Variants in CMTM6 observed in about 807,000 individuals in gnomAD.
CMTM6 encodes CKLF-like MARVEL transmembrane domain-containing protein 6.
Under a neutral mutation model 13.6 loss-of-function variants are expected in CMTM6, and 5 were observed. The ratio of observed to expected loss-of-function variants is 0.37; its 90% CI spans 0.19 to 0.77. CMTM6 has a LOEUF of 0.77. CMTM6 is among the 30% of genes least tolerant of loss of function. The pLI is 0.50. For missense variants in CMTM6, 196 were observed against 218.6 expected (o/e 0.90, Z 0.65); for synonymous variants, 99 against 84.5 (o/e 1.17, Z -0.94).
chr3:32,490,793 T>C (rs1697243776), intron 2 of CMTM6, among the ~76,000 whole-genome samples: 1 of 152,278 alleles, frequency 6.6e-6, no homozygotes, highest in Non-Finnish European at 1.5e-5. Flanking sequence ...TGTTAAGAAA[T>C]GACAAAATGA....
chr3:32,484,661 C>T (rs367841), intron 3 of CMTM6, among the ~76,000 whole-genome samples: 58,592 of 151,950 alleles, frequency 0.39, 12,031 homozygotes, highest in African/African-American at 0.53. Flanking sequence ...CAACTGTTCT[C>T]TTCTAAAATA....
chr3:32,502,561 G>C, intron 1 of CMTM6, 47 bp downstream of exon 1: 1 of 1,559,772 alleles, frequency 6.4e-7, no homozygotes, highest in Middle Eastern at 1.8e-4. Flanking sequence ...GCCCGGGCCA[G>C]ACCCCGCTCC....
chr3:32,496,997 G>T (rs937694361), intron 1 of CMTM6, among the ~76,000 whole-genome samples: 2 of 152,142 alleles, frequency 1.3e-5, no homozygotes, highest in East Asian at 3.9e-4. Flanking sequence ...AGAGGATTGG[G>T]TGGGGCCTAA....
rs73068767 is a variant in CMTM6 at position 32,483,534 on chromosome 3, C to T, written c.*426G>A. The T allele has an allele frequency of 0.033, 5,009 of 152,334 alleles. 111 individuals are homozygous for T. Among genetic ancestry groups the T allele is most frequent in the Middle Eastern group, 0.061 (18 of 294 alleles). 9.4% of individuals were successfully genotyped at this position (152,334 alleles called of 1,614,324 possible). A position where few individuals can be genotyped will look rare whatever the true frequency, so the allele number is the denominator to read the frequency against. On this transcript the variant is annotated 3_prime_UTR_variant, in exon 4 of 4. Coordinates refer to ENST00000205636, the MANE Select transcript of CMTM6 (RefSeq NM_017801.3). ...AACATAATCTAAGCATCAAAACAAACAGCTAAGCAAATTAATTTAAAAATA... is the reference window on the plus strand; with the variant it reads ...AACATAATCTAAGCATCAAAACAAATAGCTAAGCAAATTAATTTAAAAATA...
intron 1 of CMTM6, among the ~76,000 whole-genome samples, chr3:32,495,063 T>TA (rs1225751027): frequency 6.6e-6 from 1 of 152,086 alleles, no homozygotes; most frequent in African/African-American, 2.4e-5. Flanking sequence ...AATAAAAAGT[T>TA]AAAAAATAGT....
At chr3:32,494,685 G>A (rs1353627334) in intron 1 of CMTM6, among the ~76,000 whole-genome samples, 2 of 151,858 alleles carry the variant, frequency 1.3e-5, no homozygotes, top group Non-Finnish European at 2.9e-5. Flanking sequence ...ATAAAAAGGA[G>A]CAAACTTGAT....
chr3:32,501,276 G>A (rs1489479251), intron 1 of CMTM6, among the ~76,000 whole-genome samples: 1 of 151,456 alleles, frequency 6.6e-6, no homozygotes, highest in Non-Finnish European at 1.5e-5. Flanking sequence ...TAGCTTTACT[G>A]CAGAGAAATA....
chr3:32,482,575 G>A lies in CMTM6; in HGVS notation c.*1385C>T, dbSNP rs964495390. 1 of 152,154 alleles carries A rather than the reference G, an allele frequency of 6.6e-6. No individual in the cohort carries two copies. The highest frequency in any genetic ancestry group is 6.5e-5 in the Admixed American group (1 of 15,272). 9.4% of individuals were successfully genotyped at this position (152,154 alleles called of 1,614,324 possible). The stretch of plus-strand genomic sequence containing the variant: ...AGTCTGTGAATCACCTGGACAGAAA[G>A]GTCATATCCCAAGTGCCCTGCCTAT... On this transcript the variant is annotated 3_prime_UTR_variant, in exon 4 of 4. Transcript: ENST00000205636.
chr3:32,493,769 A>G (rs571234475), intron 1 of CMTM6, among the ~76,000 whole-genome samples: 5 of 152,342 alleles, frequency 3.3e-5, no homozygotes, highest in African/African-American at 1.2e-4. Context: ...CAAACACACA[A>G]GTAATCAAGA....
intron 2 of CMTM6, 100 bp from the exon 3 acceptor site, chr3:32,488,136 GT>G (rs1697221087): frequency 2.4e-6 from 2 of 825,140 alleles, no homozygotes; most frequent in South Asian, 3.6e-5. Flanking sequence ...CTACTTACTT[GT>G]TTTTCTTGAT....
At chr3:32,490,574 C>T (rs183099294) in intron 2 of CMTM6, among the ~76,000 whole-genome samples, 74 of 152,028 alleles carry the variant, frequency 4.9e-4, no homozygotes, top group African/African-American at 1.6e-3. Flanking sequence ...ATTTTTAAAC[C>T]AGTATTTACT....
intron 1 of CMTM6, among the ~76,000 whole-genome samples, chr3:32,501,330 GAGAAGGAAGAAGGA>G (rs1200153669): frequency 1.3e-5 from 2 of 151,994 alleles, no homozygotes; most frequent in Non-Finnish European, 2.9e-5. Context: ...GACAAGAGAA[GAGAAGGAAGAAGGA>G]AGAAGGTAGA....
chr3:32,498,431 G>A (rs1215786224), intron 1 of CMTM6, among the ~76,000 whole-genome samples: 1 of 152,054 alleles, frequency 6.6e-6, no homozygotes, highest in African/African-American at 2.4e-5. Context: ...CCACAGTTCT[G>A]TATATTTCCT....
intron 1 of CMTM6, among the ~76,000 whole-genome samples, chr3:32,496,729 CA>C (rs1459191341): frequency 6.6e-6 from 1 of 152,072 alleles, no homozygotes; most frequent in Non-Finnish European, 1.5e-5. Flanking sequence ...GGCAGAGACA[CA>C]AACAGAACCT....
At chr3:32,498,319 G>GT (rs1697313874) in intron 1 of CMTM6, among the ~76,000 whole-genome samples, 1 of 152,116 alleles carries the variant, frequency 6.6e-6, no homozygotes, top group South Asian at 2.1e-4. Flanking sequence ...CTCCCACTCT[G>GT]TACTTCCTCT....
intron 1 of CMTM6, among the ~76,000 whole-genome samples, chr3:32,492,954 CAG>C (rs1227118441): frequency 1.3e-5 from 2 of 152,200 alleles, no homozygotes; most frequent in Admixed American, 6.5e-5. Flanking sequence ...ACTTGAGAAA[CAG>C]AGTTCAGAAT....
intron 3 of CMTM6, 84 bp from the exon 4 acceptor site, chr3:32,484,181 A>G: frequency 8.3e-7 from 1 of 1,204,886 alleles, no homozygotes; most frequent in South Asian, 2.1e-5. Flanking sequence ...AATGTTTCAT[A>G]TAAACAAGAT....
In CMTM6 at chr3:32,502,667, C is replaced by G. The variant is rs200575664; in HGVS notation, c.79G>C (p.Ala27Pro). 1 of 1,590,524 alleles carries G rather than the reference C, an allele frequency of 6.3e-7. No homozygotes were observed. The highest frequency in any genetic ancestry group is 8.5e-7 in the Non-Finnish European group (1 of 1,170,396). Residue 27 changes from alanine to proline, a missense_variant, in exon 1 of 4, where the codon GCC (alanine) becomes CCC (proline). By Grantham distance (27) the Ala-to-Pro change is conservative (BLOSUM62 -1). This residue lies in a region of CMTM6 where 85 missense variants were observed against 58.7 expected (regional missense o/e 1.45). Transcript: ENST00000205636. Reference protein sequence around the residue: ...PARGPRSGLAAYFFMGRLPLL... With the variant: ...PARGPRSGLAPYFFMGRLPLL... ...GGGAGCCGGCCCATGAAAAAGTAGGCAGCGAGGCCGCTCCGGGGGCCTCTG... is the reference window on the plus strand; with the variant it reads ...GGGAGCCGGCCCATGAAAAAGTAGGGAGCGAGGCCGCTCCGGGGGCCTCTG...
intron 1 of CMTM6, among the ~76,000 whole-genome samples, chr3:32,500,536 T>C (rs1344219307): frequency 6.6e-6 from 1 of 152,220 alleles, no homozygotes. Flanking sequence ...AACAAATAAA[T>C]GGATTTCATA....
Sources: allele counts gnomAD v4.1 joint callset (sites outside exome capture counted in the v4.1 genomes callset), GRCh38; gene constraint gnomAD v4.1.1; regional missense constraint gnomAD v4.1.1; transcripts MANE v1.5; gene names NCBI Gene and HGNC (gene_info 2026-07-23, HGNC 2026-07-21).